The following MICAL3 variants were observed in gnomAD, a reference collection of about 807,000 sequenced individuals.
MICAL3 encodes the protein [F-actin]-monooxygenase MICAL3.
MICAL3 carries 62 observed loss-of-function variants against 207.4 expected under a neutral mutation model. The observed-to-expected ratio is 0.30, with a 90% CI of 0.24 to 0.37. The LOEUF (loss-of-function observed/expected upper bound fraction) is 0.37, where lower values mean the gene tolerates loss of function less well. Among genes scored for constraint, MICAL3 ranks in the 10% least tolerant of loss-of-function variants. The pLI, the probability that MICAL3 is intolerant of heterozygous loss-of-function variation, is 1.00. For synonymous variants in MICAL3, 1,077 were observed against 1,069.3 expected, an observed-to-expected ratio of 1.01 and a Z score of -0.14; for missense variants, 2,368 against 2,635.6, an observed-to-expected ratio of 0.90 and a Z score of 2.22.
chr22:17,997,346 G>A (rs1293977891), intron 1 of MICAL3, among the ~76,000 whole-genome samples: 2 of 152,146 alleles, frequency 1.3e-5, no homozygotes, highest in Admixed American at 1.3e-4. Context: ...TTACAGGCAT[G>A]AGCCACTGCG....
intron 1 of MICAL3, among the ~76,000 whole-genome samples, 185 bp downstream of exon 1, chr22:18,024,096 A>T (rs904769581): frequency 1.1e-4 from 16 of 152,136 alleles, no homozygotes; most frequent in African/African-American, 3.6e-4. Flanking sequence ...TGTCTTTCCC[A>T]CTAGGGGAGA....
intron 19 of MICAL3, chr22:17,863,886 C>CT: frequency 4.1e-6 from 4 of 985,444 alleles, no homozygotes; most frequent in Non-Finnish European, 4.8e-6. Context: ...GGCTGACCAT[C>CT]TTTAATTTTT....
intron 21 of MICAL3, among the ~76,000 whole-genome samples, chr22:17,829,892 T>C (rs1922611618): frequency 8.1e-6 from 1 of 122,788 alleles, no homozygotes; most frequent in East Asian, 2.1e-4. Flanking sequence ...ACTTTGCGCC[T>C]GACTGTCTGG....
At chr22:17,929,924 C>T (rs548447539) in intron 1 of MICAL3, among the ~76,000 whole-genome samples, 1 of 152,080 alleles carries the variant, frequency 6.6e-6, no homozygotes, top group Non-Finnish European at 1.5e-5. Flanking sequence ...CTATGTGTAA[C>T]CAAGAAAACT....
Position 17,827,715 on chromosome 22 carries a change from T to G in MICAL3, c.3122A>C (p.His1041Pro), listed in dbSNP as rs758019211. 1.9e-6 allele frequency: 3 copies of G among 1,577,662 alleles called. No individual in the cohort carries two copies. In the East Asian group the frequency reaches 7.0e-5, roughly 37 times the overall value. ...CTCTCTCTCACGGATATGAGTCCAGTGCACGTCAGCCTGGATCTCCAGAGG... is the reference window on the plus strand; with the variant it reads ...CTCTCTCTCACGGATATGAGTCCAGGGCACGTCAGCCTGGATCTCCAGAGG... Reference protein sequence around the residue: ...ADPLEIQADVHWTHIREREEE... With the variant: ...ADPLEIQADVPWTHIREREEE... Residue 1041 changes from histidine to proline, a missense_variant, in exon 22 of 32, where the codon CAC (histidine) becomes CCC (proline). Physicochemically the swap from His to Pro is moderately conservative, Grantham distance 77. Transcript: ENST00000441493.
rs759831437 is a variant in MICAL3 at position 17,841,856 on chromosome 22, G to C, written c.2767C>G (p.Leu923Val). 3 of 1,566,022 alleles carry C rather than the reference G, an allele frequency of 1.9e-6. No homozygotes were observed. Among genetic ancestry groups the C allele is most frequent in the Non-Finnish European group, 2.6e-6 (3 of 1,158,540 alleles). The change falls in exon 20 of 32, where the codon CTG becomes GTG. Residue 923 changes from leucine (L) to valine (V), a missense_variant. This residue lies in a region of MICAL3 where 1,770 missense variants were observed against 1,863.2 expected (regional missense o/e 0.95). Coordinates refer to ENST00000441493, the MANE Select transcript of MICAL3 (RefSeq NM_015241.3). This position sits in a 1 kb window ranked among gnomAD's most constrained non-coding sequence, Gnocchi z 4.2. ...TQAEHNLSSV[L>V]DTGAEEDVAS... ...ACGTCCTCCTCGGCGCCCGTGTCCA[G>C]CACGCTGCTCAGGTTGTGCTCGGCC... is the stretch of plus-strand genomic sequence containing the variant.
chr22:17,799,924 C>T (rs554237921), intron 29 of MICAL3, among the ~76,000 whole-genome samples: 21 of 147,482 alleles, frequency 1.4e-4, no homozygotes, highest in Non-Finnish European at 2.5e-4. Flanking sequence ...CACACACACA[C>T]GCGCGCTGGG....
At chr22:17,970,262 G>A (rs929766228) in intron 1 of MICAL3, among the ~76,000 whole-genome samples, 5 of 151,614 alleles carry the variant, frequency 3.3e-5, no homozygotes, top group African/African-American at 1.2e-4. Context: ...GAGAATGGAC[G>A]CCAGGTTCTA....
At chr22:17,973,633 C>T (rs1395302590) in intron 1 of MICAL3, among the ~76,000 whole-genome samples, 2 of 152,152 alleles carry the variant, frequency 1.3e-5, no homozygotes, top group African/African-American at 4.8e-5. Flanking sequence ...TGGGCCCTTT[C>T]GAAAAGACAG....
intron 26 of MICAL3, 116 bp downstream of exon 26, chr22:17,817,195 C>T (rs918425081): frequency 3.3e-5 from 43 of 1,300,442 alleles, no homozygotes; most frequent in Non-Finnish European, 4.4e-5. Flanking sequence ...GTCAGCACGG[C>T]TCCTGAGAAC....
intron 1 of MICAL3, among the ~76,000 whole-genome samples, chr22:17,920,630 T>C (rs1438104903): frequency 2.6e-5 from 4 of 152,250 alleles, no homozygotes; most frequent in Non-Finnish European, 5.9e-5. Context: ...AAAAATTGGA[T>C]GGCCCTTGAT....
intron 11 of MICAL3, among the ~76,000 whole-genome samples, chr22:17,892,152 A>C (rs1930443889): frequency 6.6e-6 from 1 of 152,204 alleles, no homozygotes; most frequent in South Asian, 2.1e-4. Context: ...CCAAGAGAAG[A>C]AGCCCTGCAG....
chr22:17,816,573 C>A, intron 27 of MICAL3, 117 bp downstream of exon 27: 1 of 810,888 alleles, frequency 1.2e-6, no homozygotes. Flanking sequence ...TGGCTATGCG[C>A]CACTAGCTGT....
intron 19 of MICAL3, chr22:17,861,037 G>GGA (rs1211525435): frequency 8.1e-6 from 8 of 985,280 alleles, no homozygotes; most frequent in Non-Finnish European, 9.6e-6. Flanking sequence ...ATCACCGTCA[G>GGA]CTATGGCTCT....
intron 1 of MICAL3, among the ~76,000 whole-genome samples, chr22:17,951,636 T>C (rs1934353579): frequency 6.6e-6 from 1 of 152,182 alleles, no homozygotes; most frequent in African/African-American, 2.4e-5. Context: ...TCTTCCATTA[T>C]GGAATAACTA....
chr22:17,979,152 C>T (rs1935789985), intron 1 of MICAL3, among the ~76,000 whole-genome samples: 1 of 151,888 alleles, frequency 6.6e-6, no homozygotes, highest in Admixed American at 6.6e-5. Flanking sequence ...CCAGCCTGGG[C>T]ACAGGAATGA....
intron 1 of MICAL3, among the ~76,000 whole-genome samples, chr22:17,931,503 G>A (rs978952751): frequency 2.6e-4 from 40 of 152,288 alleles, no homozygotes; most frequent in South Asian, 1.7e-3. Flanking sequence ...AGGGTTGTGT[G>A]CTATATAAAT....
intron 19 of MICAL3, chr22:17,860,427 C>A: frequency 2.0e-6 from 2 of 985,472 alleles, no homozygotes; most frequent in African/African-American, 1.7e-5. Context: ...TCTCGTACCG[C>A]CGCCGGGAAG....
chr22:17,976,585 ATATATT>A lies in MICAL3; in HGVS notation c.-75+47690_-75+47695del, dbSNP rs1476151977. ...TGTATATATATATATATATATATAT[ATATATT>A]TTTTTTTTTTTTTTTTGAGACAGAG... is the stretch of plus-strand genomic sequence containing the variant. On this transcript the variant is annotated intron_variant, in intron 1 of 31. Transcript: ENST00000441493. Among the ~76,000 whole-genome samples, 161 of 83,478 alleles carry A rather than the reference ATATATT, an allele frequency of 1.9e-3. 1 individual carries two copies. Among genetic ancestry groups the A allele is most frequent in the African/African-American group, 9.2e-3 (158 of 17,194 alleles). The allele number at this position is 83,478 out of a possible 152,430, so 54.8% of individuals were successfully genotyped here.
Sources: gnomAD v4.1 joint callset for allele counts (sites outside exome capture counted in the v4.1 genomes callset) on GRCh38, gnomAD v4.1.1 for gene constraint, gnomAD v4.1.1 regional missense constraint, Gnocchi (gnomAD v3.1) non-coding constraint, MANE v1.5 for transcripts, NCBI Gene and HGNC (gene_info 2026-07-23, HGNC 2026-07-21) for gene names.